Variants in CSMD1 observed in about 807,000 individuals in gnomAD.
CSMD1 encodes the protein CUB and sushi domain-containing protein 1.
Under a neutral mutation model 417.5 loss-of-function variants are expected in CSMD1, and 213 were observed. The observed-to-expected ratio is 0.51, with a 90% CI of 0.46 to 0.57. CSMD1 has a LOEUF of 0.57. Ranked by LOEUF, CSMD1 falls within the 20% of genes least tolerant of loss-of-function variation. CSMD1 has a pLI of 0.00. For synonymous variants in CSMD1, 2,862 were observed against 1,736.8 expected, an observed-to-expected ratio of 1.65 and a Z score of -16.11; for missense variants, 6,923 against 4,529.7, an observed-to-expected ratio of 1.53 and a Z score of -15.17.
At chr8:4,508,626 G>A (rs987119935) in intron 2 of CSMD1, among the ~76,000 whole-genome samples, 3 of 152,038 alleles carry the variant, frequency 2.0e-5, no homozygotes, top group Admixed American at 6.6e-5. Context: ...ATTGGAAGAT[G>A]TTTCCTCCTT....
At chr8:4,990,566 T>C (rs1393995882) in intron 1 of CSMD1, among the ~76,000 whole-genome samples, 1 of 152,132 alleles carries the variant, frequency 6.6e-6, no homozygotes, top group Non-Finnish European at 1.5e-5. Flanking sequence ...GGTTTCACTA[T>C]GTTGGTCAAG....
chr8:4,767,988 C>A (rs918215267), intron 1 of CSMD1, among the ~76,000 whole-genome samples: 1 of 152,154 alleles, frequency 6.6e-6, no homozygotes, highest in African/African-American at 2.4e-5. Context: ...GAGTGTGGAG[C>A]ATGGTGGGCA....
chr8:3,459,219 G>A (rs1816342008), intron 12 of CSMD1, among the ~76,000 whole-genome samples: 1 of 152,184 alleles, frequency 6.6e-6, no homozygotes, highest in African/African-American at 2.4e-5. Context: ...ACCGTGGTGG[G>A]GCACACGGGA....
At chr8:3,926,042 C>A (rs1257168651) in intron 5 of CSMD1, among the ~76,000 whole-genome samples, 1 of 102,376 alleles carries the variant, frequency 9.8e-6, no homozygotes, top group Non-Finnish European at 2.0e-5. Flanking sequence ...CACACACACA[C>A]AAACACCATA....
intron 3 of CSMD1, among the ~76,000 whole-genome samples, chr8:4,181,234 A>G (rs923845482): frequency 2.6e-5 from 4 of 152,190 alleles, no homozygotes; most frequent in African/African-American, 9.6e-5. Context: ...GGTACTTATT[A>G]TCTATAGCCA....
chr8:4,236,012 G>C (rs1450019106), intron 3 of CSMD1, among the ~76,000 whole-genome samples: 2 of 144,482 alleles, frequency 1.4e-5, no homozygotes, highest in African/African-American at 5.2e-5. Flanking sequence ...TGAGCAAAGA[G>C]GTTAATGGAT....
chr8:4,127,224 C>G (rs889724964), intron 3 of CSMD1, among the ~76,000 whole-genome samples: 1 of 151,992 alleles, frequency 6.6e-6, no homozygotes, highest in East Asian at 1.9e-4. Flanking sequence ...AGGATCAAAC[C>G]CATGGCCTTA....
At chr8:4,801,461 CT>C (rs35128095) in intron 1 of CSMD1, among the ~76,000 whole-genome samples, 8,897 of 150,026 alleles carry the variant, frequency 0.059, 442 homozygotes, top group East Asian at 0.23. Context: ...CCTCAGATGG[CT>C]TTTTTTTTTC....
chr8:4,993,565 A>G (rs1377109798), intron 1 of CSMD1, among the ~76,000 whole-genome samples: 2 of 152,182 alleles, frequency 1.3e-5, no homozygotes, highest in Non-Finnish European at 2.9e-5. Flanking sequence ...CCCCAAGCCC[A>G]GGAGCCACCC....
chr8:4,182,022 AC>A (rs1208285884), intron 3 of CSMD1, among the ~76,000 whole-genome samples: 1 of 134,604 alleles, frequency 7.4e-6, no homozygotes, highest in African/African-American at 2.6e-5. Context: ...ACTCATACAC[AC>A]CCGTGTGTGT....
At chr8:4,087,323 T>G (rs1273190138) in intron 3 of CSMD1, among the ~76,000 whole-genome samples, 1 of 152,176 alleles carries the variant, frequency 6.6e-6, no homozygotes, top group Admixed American at 6.6e-5. Flanking sequence ...CAGGGACCAT[T>G]CACACTCCCC....
intron 3 of CSMD1, among the ~76,000 whole-genome samples, chr8:4,406,304 A>G (rs1408754902): frequency 1.3e-5 from 2 of 152,122 alleles, no homozygotes; most frequent in Admixed American, 6.5e-5. Flanking sequence ...ACCCTTTGCA[A>G]TTGGGCTTCC....
At chr8:4,821,666 ATGACTC>A (rs1229715177) in intron 1 of CSMD1, among the ~76,000 whole-genome samples, 6 of 152,176 alleles carry the variant, frequency 3.9e-5, no homozygotes, top group African/African-American at 1.4e-4. Context: ...AAAGGAAATG[ATGACTC>A]TGATTCCTTT....
intron 12 of CSMD1, among the ~76,000 whole-genome samples, chr8:3,456,260 A>G (rs11781112): frequency 0.77 from 116,855 of 151,916 alleles, 45,307 homozygotes; most frequent in African/African-American, 0.88. Flanking sequence ...TGCTCTTCAT[A>G]GGTGGGGCGA....
rs1219345207 is a variant in CSMD1, at chr8:4,462,049, A to AT, written c.303-41985dup. ...GCCACCACGTCTGGCTGCTAATCTT[A>AT]TTTTTTATAGGGATGAAGTCTCACT... On this transcript the variant is annotated intron_variant, in intron 2 of 69. Coordinates refer to ENST00000635120, the MANE Select transcript of CSMD1 (RefSeq NM_033225.6). 2.0e-5 allele frequency among the ~76,000 whole-genome samples: 3 copies of AT among 151,312 alleles called. No homozygotes were observed. The East Asian group carries it at 5.9e-4, about 30-fold the overall frequency.
At chr8:3,633,787 C>T (rs939186193) in intron 7 of CSMD1, among the ~76,000 whole-genome samples, 15 of 152,170 alleles carry the variant, frequency 9.9e-5, no homozygotes, top group African/African-American at 3.4e-4. Context: ...TCAGATATTA[C>T]TTCTCAAGTA....
chr8:4,831,060 A>G (rs1240488863), intron 1 of CSMD1, among the ~76,000 whole-genome samples: 4 of 152,156 alleles, frequency 2.6e-5, no homozygotes, highest in African/African-American at 4.8e-5. Context: ...TTCAACTCCA[A>G]CCATGCGAAC....
intron 10 of CSMD1, among the ~76,000 whole-genome samples, chr8:3,522,555 C>G (rs147650219): frequency 3.3e-5 from 5 of 152,046 alleles, no homozygotes; most frequent in African/African-American, 1.2e-4. Context: ...TACTTTATGA[C>G]TGAGAATAGA....
intron 2 of CSMD1, among the ~76,000 whole-genome samples, chr8:4,553,002 A>G (rs1041479747): frequency 6.6e-6 from 1 of 152,156 alleles, no homozygotes; most frequent in Non-Finnish European, 1.5e-5. Context: ...GCTTGGTGAC[A>G]TTTCACCGAG....
Sources: allele counts gnomAD v4.1 joint callset (sites outside exome capture counted in the v4.1 genomes callset), GRCh38; gene constraint gnomAD v4.1.1; transcripts MANE v1.5; gene names NCBI Gene and HGNC (gene_info 2026-07-23, HGNC 2026-07-21).